Variants in ZNF138 observed in about 807,000 individuals in gnomAD.
ZNF138 encodes the protein zinc finger protein 138 (clone pHZ-32).
Under a neutral mutation model 33.0 loss-of-function variants are expected in ZNF138, and 33 were observed. The ratio of observed to expected loss-of-function variants is 1.00; its 90% CI spans 0.76 to 1.34. The LOEUF is 1.34. Ranked by LOEUF, ZNF138 falls within the 40% of genes most tolerant of loss-of-function variation. ZNF138 has a pLI of 0.00. For synonymous variants in ZNF138, 139 were observed against 120.4 expected (o/e 1.15, Z -1.01); for missense variants, 360 against 370.8 (o/e 0.97, Z 0.24).
At chr7:64,831,019 T>C (rs1158192136) in intron 3 of ZNF138, 1 of 1,552,012 alleles carries the variant, frequency 6.4e-7, no homozygotes, top group East Asian at 2.4e-5. Flanking sequence ...CAGCACTTTA[T>C]GTCATGGGAA....
At chr7:64,848,955 C>T in the ZNF138 span, among the ~76,000 whole-genome samples, 1 of 152,052 alleles carries the variant, frequency 6.6e-6, no homozygotes, top group Non-Finnish European at 1.5e-5. Flanking sequence ...CTGCCCAGCT[C>T]GGCCTCCCAA....
intron 1 of ZNF138, among the ~76,000 whole-genome samples, chr7:64,798,892 C>T (rs953184765): frequency 6.9e-6 from 1 of 145,352 alleles, no homozygotes; most frequent in African/African-American, 2.5e-5. Context: ...TATTCTGTTG[C>T]ATTGTTCTAT....
chr7:64,836,057 A>G (rs1790356319), downstream of ZNF138: 2 of 152,210 alleles, frequency 1.3e-5, no homozygotes, highest in Non-Finnish European at 2.9e-5. Context: ...CACCAGAAGT[A>G]GCCTCCGGGT....
chr7:64,827,491 G>T (rs953590995), intron 3 of ZNF138, among the ~76,000 whole-genome samples: 4 of 152,014 alleles, frequency 2.6e-5, no homozygotes, highest in Admixed American at 1.3e-4. Context: ...TGATCCATCC[G>T]CCTCGGCCTC....
At chr7:64,824,022 T>C (rs1366499897) in intron 3 of ZNF138, among the ~76,000 whole-genome samples, 1 of 152,218 alleles carries the variant, frequency 6.6e-6, no homozygotes, top group Non-Finnish European at 1.5e-5. Context: ...TTCTGTATTC[T>C]CTTGCTTTTG....
chr7:64,860,270 CT>C, the ZNF138 span, among the ~76,000 whole-genome samples: 1 of 152,292 alleles, frequency 6.6e-6, no homozygotes, highest in African/African-American at 2.4e-5. Flanking sequence ...ACTTATTATA[CT>C]TTTGTGGCAA....
At chr7:64,799,081 A>G (rs779825667) in intron 1 of ZNF138, among the ~76,000 whole-genome samples, 1 of 152,114 alleles carries the variant, frequency 6.6e-6, no homozygotes, top group Non-Finnish European at 1.5e-5. Context: ...AGTTCTGTTA[A>G]GAATGTTTTT....
chr7:64,814,955 C>T lies in ZNF138; in HGVS notation c.41C>T (p.Ser14Phe), dbSNP rs562765453. ...LTFMDVAIEF[S>F]LEEWQCLDTA... ...TTTATGGATGTGGCCATAGAGTTCT[C>T]TTTGGAGGAGTGGCAGTGCCTGGAC... Residue 14 changes from serine to phenylalanine, a missense_variant, in exon 2 of 4, where the codon TCT becomes TTT. By Grantham distance (155) the Ser-to-Phe change is radical. Coordinates refer to ENST00000307355, the MANE Select transcript of ZNF138 (RefSeq NM_001271639.2). The T allele has an allele frequency of 1.2e-6, 2 of 1,613,312 alleles. No individual in the cohort carries two copies. Among genetic ancestry groups the T allele is most frequent in the Middle Eastern group, 1.7e-4 (1 of 6,058 alleles).
the ZNF138 span, chr7:64,853,162 T>G: frequency 5.9e-6 from 9 of 1,531,482 alleles, no homozygotes; most frequent in Non-Finnish European, 8.1e-6. Context: ...TCCATTCCAA[T>G]GCCAAGCCTT....
intron 3 of ZNF138, 125 bp downstream of exon 3, chr7:64,815,778 T>G: frequency 4.6e-6 from 4 of 878,150 alleles, no homozygotes; most frequent in Non-Finnish European, 6.9e-6. Flanking sequence ...AGCCTGAGTT[T>G]TTTATTTTGC....
chr7:64,859,733 A>G, the ZNF138 span, among the ~76,000 whole-genome samples: 13 of 152,248 alleles, frequency 8.5e-5, no homozygotes, highest in African/African-American at 2.9e-4. Context: ...TTTCACATAC[A>G]TAGTAAATCT....
chr7:64,858,545 A>G, the ZNF138 span, among the ~76,000 whole-genome samples: 5 of 152,350 alleles, frequency 3.3e-5, no homozygotes, highest in African/African-American at 2.4e-5. Context: ...TTGAGTCTTC[A>G]GGATATGATT....
rs990424388 is a variant in ZNF138 at position 64,832,759 on chromosome 7, A to G, written c.*557A>G. On this transcript the variant is annotated 3_prime_UTR_variant, in exon 4 of 4. Transcript: ENST00000307355. ...ACTGGAGAGAAACCTTACAAATGTG[A>G]GGAATGTGGCAAAGGTTTTAGCCAA... is the stretch of plus-strand genomic sequence containing the variant. 7 of 454,274 alleles carry G rather than the reference A, an allele frequency of 1.5e-5. No homozygotes were observed. Among genetic ancestry groups the G allele is most frequent in the African/African-American group, 1.4e-4 (7 of 49,702 alleles). The allele number at this position is 454,274 out of a possible 1,614,324, so 28.1% of individuals were successfully genotyped here.
chr7:64,847,333 T>TATATATATATATATATATATA, the ZNF138 span, among the ~76,000 whole-genome samples: 20 of 90,934 alleles, frequency 2.2e-4, no homozygotes, highest in Middle Eastern at 6.8e-3. Flanking sequence ...TATATATATA[T>TATATATATATATATATATATA]TTTTTTTTTT....
intron 1 of ZNF138, among the ~76,000 whole-genome samples, chr7:64,813,264 C>T (rs985111323): frequency 4.6e-5 from 7 of 152,038 alleles, no homozygotes; most frequent in Non-Finnish European, 7.4e-5. Flanking sequence ...CTATGCAGAA[C>T]AGGATTAATA....
At chr7:64,852,716 A>G in the ZNF138 span, 1 of 1,125,702 alleles carries the variant, frequency 8.9e-7, no homozygotes. Flanking sequence ...AGGAATATCC[A>G]GCCACTGATG....
At chr7:64,802,060 G>A (rs916735480) in intron 1 of ZNF138, among the ~76,000 whole-genome samples, 2 of 152,094 alleles carry the variant, frequency 1.3e-5, no homozygotes, top group African/African-American at 4.8e-5. Context: ...GTTACAGCTT[G>A]GTTTTATATA....
At chr7:64,794,717 C>A in intron 1 of ZNF138, 146 bp downstream of exon 1, 1 of 1,218,928 alleles carries the variant, frequency 8.2e-7, no homozygotes, top group Non-Finnish European at 1.2e-6. Flanking sequence ...GGCCCTCAGT[C>A]CCCTTAAGCC....
downstream of ZNF138, chr7:64,836,168 G>A (rs1288358645): frequency 6.6e-6 from 1 of 152,198 alleles, no homozygotes; most frequent in Non-Finnish European, 1.5e-5. Context: ...TCTGAGAATA[G>A]TGGGACCTGT....
Sources: gnomAD v4.1 joint callset for allele counts (sites outside exome capture counted in the v4.1 genomes callset) on GRCh38, gnomAD v4.1.1 for gene constraint, MANE v1.5 for transcripts, NCBI Gene and HGNC (gene_info 2026-07-23, HGNC 2026-07-21) for gene names.